CSMD1: variants seen among roughly 807,000 people sequenced by gnomAD.
The protein encoded by CSMD1 is CUB and Sushi multiple domains 1.
A neutral mutation model predicts 417.5 loss-of-function variants in CSMD1; 213 were observed. The observed-to-expected ratio is 0.51, with a 90% confidence interval of 0.46 to 0.57. The LOEUF is 0.57. Ranked by LOEUF, CSMD1 falls within the 20% of genes least tolerant of loss-of-function variation. The pLI is 0.00. For missense variants in CSMD1, 6,923 were observed against 4,529.7 expected, an observed-to-expected ratio of 1.53 and a Z score of -15.17; for synonymous variants, 2,862 against 1,736.8, an observed-to-expected ratio of 1.65 and a Z score of -16.11.
At position 3,588,733 on chromosome 8, in the gene CSMD1, T is replaced by C. The variant is rs966038391; in HGVS notation, c.1098-2473A>G. On this transcript the variant is annotated intron_variant, in intron 8 of 69. Transcript: ENST00000635120. ...CACAGGCAAAAACAGACAAACGAGATGACATCAAACTAAAACCCTTACGCA... is the reference window on the plus strand; with the variant it reads ...CACAGGCAAAAACAGACAAACGAGACGACATCAAACTAAAACCCTTACGCA... Among the ~76,000 whole-genome samples, 5 of 143,734 alleles carry C rather than the reference T, an allele frequency of 3.5e-5. No homozygotes were observed. The East Asian group carries it at 8.3e-4, about 24-fold the overall frequency. 94.3% of individuals were successfully genotyped at this position (143,734 alleles called of 152,430 possible). A position where few individuals can be genotyped will look rare whatever the true frequency, so the allele number is the denominator to read the frequency against.
At chr8:3,431,431 G>C (rs776868229) in intron 12 of CSMD1, among the ~76,000 whole-genome samples, 21 of 152,120 alleles carry the variant, frequency 1.4e-4, no homozygotes, top group Admixed American at 6.6e-5. Flanking sequence ...TCTTTTCCCG[G>C]AAGTCAGCAT....
intron 21 of CSMD1, among the ~76,000 whole-genome samples, chr8:3,354,579 C>T (rs1808616983): frequency 6.6e-6 from 1 of 152,022 alleles, no homozygotes; most frequent in Non-Finnish European, 1.5e-5. Flanking sequence ...CATATTTACT[C>T]ACGAAGAATA....
At chr8:4,217,385 C>A (rs577620202) in intron 3 of CSMD1, among the ~76,000 whole-genome samples, 1 of 152,134 alleles carries the variant, frequency 6.6e-6, no homozygotes, top group African/African-American at 2.4e-5. Flanking sequence ...AACTTCATTT[C>A]ATGAAATATA....
intron 1 of CSMD1, among the ~76,000 whole-genome samples, chr8:4,777,101 A>G (rs1301142880): frequency 6.6e-6 from 1 of 152,190 alleles, no homozygotes; most frequent in Non-Finnish European, 1.5e-5. Flanking sequence ...CCTTGGTAAT[A>G]ATGCTGCCAG....
intron 25 of CSMD1, among the ~76,000 whole-genome samples, chr8:3,304,737 A>T (rs1001885165): frequency 3.5e-4 from 46 of 130,694 alleles, no homozygotes; most frequent in African/African-American, 1.2e-3. Context: ...TCTCTTTTTA[A>T]TTTTTTTTAT....
chr8:4,527,707 A>G (rs1004404441), intron 2 of CSMD1, among the ~76,000 whole-genome samples: 1 of 152,204 alleles, frequency 6.6e-6, no homozygotes, highest in Non-Finnish European at 1.5e-5. Context: ...TCTTTCTATT[A>G]ATAGGTACAC....
intron 41 of CSMD1, among the ~76,000 whole-genome samples, chr8:3,138,490 G>T (rs10046663): frequency 0.36 from 54,258 of 152,068 alleles, 12,254 homozygotes; most frequent in Non-Finnish European, 0.5. Flanking sequence ...TAGAGAGAAT[G>T]GGAGAGATTT....
Position 3,832,031 on chromosome 8 carries a change from G to A in CSMD1, c.819-77989C>T, listed in dbSNP as rs544284352. On this transcript the variant is annotated intron_variant, in intron 5 of 69. Coordinates refer to ENST00000635120, the MANE Select transcript of CSMD1 (RefSeq NM_033225.6). ...TTTTTAAAAATCTCTGTCCTTCTCT[G>A]CGTTGCTCTTATCACTGTTACCAGC... Among the ~76,000 whole-genome samples the A allele has an allele frequency of 6.6e-5, 10 of 152,238 alleles. No individual in the cohort carries two copies. The South Asian group carries it at 1.9e-3, about 28-fold the overall frequency.
intron 1 of CSMD1, among the ~76,000 whole-genome samples, chr8:4,668,736 A>C (rs1162921747): frequency 6.6e-6 from 1 of 152,072 alleles, no homozygotes; most frequent in Non-Finnish European, 1.5e-5. Flanking sequence ...CAGTTTGCCT[A>C]CAACCTCTCT....
At chr8:4,206,665 A>G (rs993811790) in intron 3 of CSMD1, among the ~76,000 whole-genome samples, 4 of 152,194 alleles carry the variant, frequency 2.6e-5, no homozygotes, top group African/African-American at 7.2e-5. Context: ...GTGTCTTTAC[A>G]GCAGCATGAT....
chr8:3,682,323 A>C (rs533495757), intron 7 of CSMD1, among the ~76,000 whole-genome samples: 1 of 152,334 alleles, frequency 6.6e-6, no homozygotes, highest in South Asian at 2.1e-4. Flanking sequence ...AGAATTTACA[A>C]AGAACCCAAA....
At chr8:4,789,498 T>C (rs572101831) in intron 1 of CSMD1, among the ~76,000 whole-genome samples, 1 of 152,206 alleles carries the variant, frequency 6.6e-6, no homozygotes, top group South Asian at 2.1e-4. Flanking sequence ...GGATAAATGC[T>C]AAAGCCACCT....
intron 3 of CSMD1, among the ~76,000 whole-genome samples, chr8:4,191,950 C>G (rs1035202464): frequency 2.0e-4 from 30 of 152,166 alleles, no homozygotes; most frequent in African/African-American, 6.8e-4. Context: ...ACCAACTGCA[C>G]CCACAGGCAA....
chr8:4,837,634 G>A (rs1454635748), intron 1 of CSMD1, among the ~76,000 whole-genome samples: 1 of 152,074 alleles, frequency 6.6e-6, no homozygotes, highest in Non-Finnish European at 1.5e-5. Flanking sequence ...GAGTTGCTGG[G>A]GAGGTAGGGA....
Position 2,950,232 on chromosome 8 carries a change from TA to T in CSMD1, c.10312del (p.Tyr3438MetfsTer27). On this transcript the variant is annotated frameshift_variant and splice_region_variant, in exon 67 of 70. Coordinates refer to ENST00000635120, the MANE Select transcript of CSMD1 (RefSeq NM_033225.6). LOFTEE classifies it high-confidence loss of function. Reference protein sequence around the residue: ...FENDNWGLDGYVSSGLERGGF... With the variant: ...FENDNWGLDGXVSSGLERGGF... Reference sequence around the variant, plus strand: ...CACAGACCTTACACATGTACTTACATAACCATCTAGTCCCCAGTTGTCATTT... The same window carrying T: ...CACAGACCTTACACATGTACTTACATACCATCTAGTCCCCAGTTGTCATTT... The T allele has an allele frequency of 6.3e-7, 1 of 1,581,720 alleles. No individual in the cohort carries two copies. Among genetic ancestry groups the T allele is most frequent in the Non-Finnish European group, 8.7e-7 (1 of 1,150,604 alleles).
chr8:3,577,580 A>G (rs930796463), intron 9 of CSMD1, among the ~76,000 whole-genome samples: 4 of 152,220 alleles, frequency 2.6e-5, no homozygotes, highest in Admixed American at 2.0e-4. Flanking sequence ...TTTGCCAATT[A>G]GAACAATTTT....
chr8:4,749,590 T>A (rs1293513557), intron 1 of CSMD1, among the ~76,000 whole-genome samples: 1 of 152,240 alleles, frequency 6.6e-6, no homozygotes, highest in Non-Finnish European at 1.5e-5. Context: ...AATGATCTTG[T>A]ACAGAGGATA....
intron 3 of CSMD1, among the ~76,000 whole-genome samples, chr8:4,343,017 G>T (rs895435211): frequency 6.6e-6 from 1 of 152,072 alleles, no homozygotes. Context: ...CACCTGACTT[G>T]TGCCTCCTCC....
chr8:4,136,454 G>A (rs1296337558), intron 3 of CSMD1, among the ~76,000 whole-genome samples: 2 of 152,152 alleles, frequency 1.3e-5, no homozygotes, highest in African/African-American at 2.4e-5. Flanking sequence ...TTTGAAAAAT[G>A]CCTCTGTGTG....
Sources: gnomAD v4.1 joint callset for allele counts (sites outside exome capture counted in the v4.1 genomes callset) on GRCh38, gnomAD v4.1.1 for gene constraint, MANE v1.5 for transcripts, NCBI Gene and HGNC (gene_info 2026-07-23, HGNC 2026-07-21) for gene names.